Variants in FRMD4B observed in about 807,000 individuals in gnomAD.
FRMD4B encodes FERM domain containing 4B, also known as FERM domain-containing protein 4B.
In FRMD4B, 74 loss-of-function variants were observed where a neutral mutation model predicts 141.5. The ratio of observed to expected loss-of-function variants is 0.52; its 90% confidence interval spans 0.43 to 0.63. FRMD4B has a LOEUF of 0.63. FRMD4B is among the 30% of genes least tolerant of loss of function. The pLI, the probability that FRMD4B is intolerant of heterozygous loss-of-function variation, is 0.00. For synonymous variants in FRMD4B, 506 were observed against 467.9 expected, an observed-to-expected ratio of 1.08 and a Z score of -1.05; for missense variants, 1,366 against 1,253.4, an observed-to-expected ratio of 1.09 and a Z score of -1.36.
intron 1 of FRMD4B, among the ~76,000 whole-genome samples, chr3:69,371,101 A>T (rs1041323717): frequency 2.0e-5 from 3 of 148,718 alleles, no homozygotes; most frequent in African/African-American, 7.5e-5. Flanking sequence ...AGGCTAAGAC[A>T]TGGTTGGGAG....
intron 1 of FRMD4B, among the ~76,000 whole-genome samples, chr3:69,524,568 T>C (rs866854833): frequency 4.6e-5 from 7 of 152,184 alleles, no homozygotes; most frequent in Non-Finnish European, 2.9e-5. Context: ...TGGCAGCAGC[T>C]GGGGGCTGGG....
intron 1 of FRMD4B, among the ~76,000 whole-genome samples, chr3:69,354,399 C>G (rs1042888992): frequency 6.6e-6 from 1 of 151,968 alleles, no homozygotes; most frequent in African/African-American, 2.4e-5. Context: ...TCATGCTTCT[C>G]CCTCCTGAAA....
At chr3:69,396,202 T>G (rs1704470949) in intron 2 of FRMD4B, among the ~76,000 whole-genome samples, 2 of 152,154 alleles carry the variant, frequency 1.3e-5, no homozygotes, top group African/African-American at 4.8e-5. Context: ...AGTGAAGCTT[T>G]CCAAAGAGTT....
In FRMD4B at chr3:69,385,828, C is replaced by T; in HGVS notation, c.162G>A (p.Gln54=). The T allele has an allele frequency of 6.4e-7, 1 of 1,566,148 alleles. No individual in the cohort carries two copies. Residue 54 remains glutamine (Q), a splice_region_variant and synonymous_variant, in exon 1 of 23, where the codon CAG becomes CAA. Transcript: ENST00000398540. The part of the protein sequence containing the change: ...RTWCGLQDVY[Q]MTEGRHCQVH... ...TCGGGTGCCGCGCGCTCCAGCTCAC[C>T]TGGTACACGTCCTGCAGCCCGCACC...
intron 1 of FRMD4B, among the ~76,000 whole-genome samples, chr3:69,384,835 C>A (rs992075093): frequency 6.6e-6 from 1 of 152,072 alleles, no homozygotes; most frequent in Non-Finnish European, 1.5e-5. Flanking sequence ...AGTGCTTGAT[C>A]ATGTATGAGA....
intron 1 of FRMD4B, among the ~76,000 whole-genome samples, chr3:69,481,916 CA>C (rs1360090355): frequency 2.6e-5 from 4 of 152,156 alleles, no homozygotes; most frequent in African/African-American, 9.7e-5. Flanking sequence ...GAGCCATTCT[CA>C]AAAGAAGGAG....
chr3:69,480,121 A>C lies in FRMD4B; in HGVS notation c.-128-47360T>G, dbSNP rs973167396. Among the ~76,000 whole-genome samples the C allele has an allele frequency of 2.6e-4, 40 of 152,254 alleles. 1 individual carries two copies. The highest frequency in any genetic ancestry group is 8.7e-4 in the African/African-American group (36 of 41,550). On this transcript the variant is annotated intron_variant, in intron 1 of 5. Transcript: ENST00000459638. ...TTATACATTCGTCTAAATTTTTTTC[A>C]AAGTTTTTAACTTCTTTGCCTTTGG...
At chr3:69,420,574 G>A (rs1295762612) in intron 2 of FRMD4B, among the ~76,000 whole-genome samples, 1 of 152,036 alleles carries the variant, frequency 6.6e-6, no homozygotes, top group East Asian at 1.9e-4. Flanking sequence ...AATTAGAGAT[G>A]TTCGGGTTTC....
chr3:69,386,188 C>T, upstream of FRMD4B: 2 of 519,940 alleles, frequency 3.8e-6, no homozygotes, highest in South Asian at 2.9e-5. Flanking sequence ...CGCCAGCCAA[C>T]GGCTGCGACT....
At chr3:69,456,055 A>G (rs2106905940) in intron 1 of FRMD4B, among the ~76,000 whole-genome samples, 1 of 152,334 alleles carries the variant, frequency 6.6e-6, no homozygotes, top group South Asian at 2.1e-4. Flanking sequence ...GAAGGCAGTT[A>G]ATAACTGGTG....
chr3:69,367,828 T>C (rs773268508), intron 1 of FRMD4B, among the ~76,000 whole-genome samples: 22 of 152,214 alleles, frequency 1.4e-4, no homozygotes, highest in Admixed American at 1.3e-3. Flanking sequence ...GAAATGGAAA[T>C]GCTTGGTCAT....
chr3:69,249,068 A>G (rs1323749931), intron 7 of FRMD4B, among the ~76,000 whole-genome samples, 158 bp downstream of exon 7: 1 of 152,226 alleles, frequency 6.6e-6, no homozygotes, highest in Non-Finnish European at 1.5e-5. Context: ...TCATTCACAA[A>G]AAGAATAGGT....
chr3:69,242,478 ATTTTTTTTTTTTTTTTTTTTTTTTTT>A (rs71115667), intron 7 of FRMD4B, among the ~76,000 whole-genome samples: 28 of 54,596 alleles, frequency 5.1e-4, no homozygotes, highest in East Asian at 2.1e-3. Flanking sequence ...AAATAGCTGC[ATTTTTTTTTTTTTTTTTTTTTTTTTT>A]TTTTTTTTTT....
intron 5 of FRMD4B, among the ~76,000 whole-genome samples, chr3:69,263,817 C>CTTTTTTTTTTTTTTT (rs3032130): frequency 1.5e-5 from 1 of 68,520 alleles, no homozygotes; most frequent in Non-Finnish European, 2.5e-5. Flanking sequence ...AACCCCATTC[C>CTTTTTTTTTTTTTTT]TTTTTTTTTT....
chr3:69,532,612 C>T (rs1017324107), intron 1 of FRMD4B, among the ~76,000 whole-genome samples: 3 of 152,188 alleles, frequency 2.0e-5, no homozygotes, highest in Non-Finnish European at 2.9e-5. Flanking sequence ...CCAATTTCAG[C>T]TCCCCTCTCT....
In FRMD4B at chr3:69,450,137, TCATACA is replaced by T. The variant is rs1260554998; in HGVS notation, c.-128-17382_-128-17377del. 5.7e-3 allele frequency among the ~76,000 whole-genome samples: 863 copies of T among 152,338 alleles called. 9 individuals are homozygous for T. The highest frequency in any genetic ancestry group is 0.02 in the African/African-American group (815 of 41,582). On this transcript the variant is annotated intron_variant, in intron 1 of 5. Transcript: ENST00000459638. ...GGTGAGATGAAATTTGTAAAGCATC[TCATACA>T]ATGCCTGCAGACAATAATCATTAGC...
chr3:69,493,610 C>G (rs1437173964), intron 1 of FRMD4B, among the ~76,000 whole-genome samples: 1 of 152,152 alleles, frequency 6.6e-6, no homozygotes, highest in East Asian at 1.9e-4. Context: ...TACACCAGCA[C>G]TCCATTTATT....
chr3:69,345,866 A>G (rs1354655484), intron 1 of FRMD4B, among the ~76,000 whole-genome samples: 1 of 152,136 alleles, frequency 6.6e-6, no homozygotes, highest in African/African-American at 2.4e-5. Flanking sequence ...GGTAGACAAA[A>G]CCACAAAGAT....
At chr3:69,212,162 C>A (rs2093088224) in intron 11 of FRMD4B, among the ~76,000 whole-genome samples, 1 of 151,162 alleles carries the variant, frequency 6.6e-6, no homozygotes, top group Non-Finnish European at 1.5e-5. Context: ...GAGTTCGAGA[C>A]CAGCTTGGCC....
Sources: allele counts gnomAD v4.1 joint callset (sites outside exome capture counted in the v4.1 genomes callset), GRCh38; gene constraint gnomAD v4.1.1; transcripts MANE v1.5; gene names NCBI Gene and HGNC (gene_info 2026-07-23, HGNC 2026-07-21).